CLIP4: variants seen among roughly 807,000 people sequenced by gnomAD.
CLIP4 encodes the protein CAP-Gly domain containing linker protein family member 4, also known as CAP-Gly domain-containing linker protein 4.
A neutral mutation model predicts 73.1 loss-of-function variants in CLIP4; 47 were observed. The ratio of observed to expected loss-of-function variants is 0.64; its 90% CI spans 0.51 to 0.82. The LOEUF (loss-of-function observed/expected upper bound fraction) is 0.82, where lower values mean the gene tolerates loss of function less well. Among genes scored for constraint, CLIP4 ranks in the 40% least tolerant of loss-of-function variants. CLIP4 has a pLI of 0.00. For synonymous variants in CLIP4, 306 were observed against 295.4 expected (o/e 1.04, Z -0.37); for missense variants, 874 against 852.9 (o/e 1.02, Z -0.31).
intron 8 of CLIP4, among the ~76,000 whole-genome samples, chr2:29,150,911 C>T (rs1262458015): frequency 1.1e-4 from 17 of 152,104 alleles, no homozygotes; most frequent in Admixed American, 1.0e-3. Flanking sequence ...TGAGCCACAG[C>T]GCCTGGCCTG....
At chr2:29,165,523 C>T (rs758998704) in intron 13 of CLIP4, among the ~76,000 whole-genome samples, 10 of 152,164 alleles carry the variant, frequency 6.6e-5, no homozygotes, top group South Asian at 4.1e-4. Context: ...AACCCTATAA[C>T]GGTTAGAAGA....
chr2:29,130,551 C>T, intron 2 of CLIP4: 1 of 919,786 alleles, frequency 1.1e-6, no homozygotes, highest in South Asian at 2.5e-5. Flanking sequence ...TACAGGTTTT[C>T]CTGAGCTGGG....
chr2:29,173,353 G>A (rs572953328), intron 14 of CLIP4, among the ~76,000 whole-genome samples: 1 of 152,172 alleles, frequency 6.6e-6, no homozygotes, highest in Admixed American at 6.5e-5. Flanking sequence ...ACGGTGTTTC[G>A]TTTTGTTTCT....
upstream of CLIP4, among the ~76,000 whole-genome samples, chr2:29,112,143 A>G (rs1668400167): frequency 6.6e-6 from 1 of 152,250 alleles, no homozygotes. Flanking sequence ...TTCCTATACC[A>G]GTACCATAAT....
At chr2:29,164,374 CCT>C (rs1304873590) in intron 13 of CLIP4, among the ~76,000 whole-genome samples, 1 of 152,130 alleles carries the variant, frequency 6.6e-6, no homozygotes, top group African/African-American at 2.4e-5. Context: ...ATGGCTTTTT[CCT>C]CTGATTTCTT....
intron 1 of CLIP4, among the ~76,000 whole-genome samples, chr2:29,107,358 G>GTTTTTTTTTGTTTTTTT (rs1558504865): frequency 6.1e-5 from 4 of 65,362 alleles, no homozygotes; most frequent in Non-Finnish European, 8.9e-5. Flanking sequence ...GAACATGATA[G>GTTTTTTTTTGTTTTTTT]TTTTTTTTTT....
intron 1 of CLIP4, among the ~76,000 whole-genome samples, chr2:29,110,065 T>A (rs77232061): frequency 0.05 from 7,440 of 150,058 alleles, 484 homozygotes; most frequent in African/African-American, 0.15. Context: ...CTCAAAAAAA[T>A]AAAAAAAGAA....
At chr2:29,149,728 T>TAA (rs10532407) in intron 8 of CLIP4, among the ~76,000 whole-genome samples, 9 of 144,488 alleles carry the variant, frequency 6.2e-5, no homozygotes, top group African/African-American at 1.0e-4. Flanking sequence ...CTTTGGCTAA[T>TAA]AAAAAAAAAA....
At chr2:29,129,837 A>C (rs1176623069) in intron 2 of CLIP4, among the ~76,000 whole-genome samples, 6 of 152,234 alleles carry the variant, frequency 3.9e-5, no homozygotes, top group African/African-American at 1.4e-4. Context: ...GAAATTGCAA[A>C]TTATTCTTTG....
chr2:29,111,879 A>C (rs1357344060), upstream of CLIP4, among the ~76,000 whole-genome samples: 5 of 152,214 alleles, frequency 3.3e-5, no homozygotes, highest in Admixed American at 3.3e-4. Context: ...TTATAGAGAT[A>C]GTCTCCTGCA....
chr2:29,130,760 CTA>C (rs1308757951), intron 2 of CLIP4: 1 of 1,274,540 alleles, frequency 7.8e-7, no homozygotes. Flanking sequence ...TATGCTGACT[CTA>C]GAAGTAAGAA....
At chr2:29,133,945 T>C in intron 5 of CLIP4, 129 bp downstream of exon 5, 1 of 725,296 alleles carries the variant, frequency 1.4e-6, no homozygotes, top group Non-Finnish European at 2.1e-6. Context: ...CTCCATTTTA[T>C]TTCTGAGATA....
Position 29,181,900 on chromosome 2 carries a change from A to G in CLIP4, c.*7A>G. On this transcript the variant is annotated 3_prime_UTR_variant, in exon 16 of 16. Transcript: ENST00000320081. Reference sequence around the variant, plus strand: ...TGTGGATGAGAATTGTTAAGCTTCTAAAATATTAAATAAGCTCAAATATAT... The same window carrying G: ...TGTGGATGAGAATTGTTAAGCTTCTGAAATATTAAATAAGCTCAAATATAT... The G allele has an allele frequency of 3.8e-6, 6 of 1,582,492 alleles. No homozygotes were observed. The highest frequency in any genetic ancestry group is 5.2e-6 in the Non-Finnish European group (6 of 1,161,150).
At chr2:29,152,627 G>T in intron 8 of CLIP4, 58 bp from the exon 9 acceptor site, 3 of 1,555,482 alleles carry the variant, frequency 1.9e-6, no homozygotes, top group African/African-American at 1.4e-5. Context: ...AGTTGTACTT[G>T]TTCCTTTATT....
chr2:29,101,269 A>G (rs369446011), intron 1 of CLIP4, among the ~76,000 whole-genome samples: 1 of 149,170 alleles, frequency 6.7e-6, no homozygotes, highest in Non-Finnish European at 1.5e-5. Flanking sequence ...CAGCCTGGGC[A>G]ACAGGCTTTT....
At chr2:29,107,380 T>TTTTGTTTTTTTTG in intron 1 of CLIP4, among the ~76,000 whole-genome samples, 4 of 130,870 alleles carry the variant, frequency 3.1e-5, no homozygotes, top group Middle Eastern at 3.8e-3. Context: ...TTTTTTTTTT[T>TTTTGTTTTTTTTG]TTTTTTTTTG....
intron 2 of CLIP4, among the ~76,000 whole-genome samples, chr2:29,124,875 C>A (rs1558520372): frequency 6.6e-6 from 1 of 152,126 alleles, no homozygotes; most frequent in Admixed American, 6.5e-5. Context: ...ATTATAATAT[C>A]CATGTCAACT....
rs146559023 is a variant in CLIP4, at chr2:29,173,356, T to G, written c.1724-1017T>G. ...GTCTTCATCTGAACGGTGTTTCGTT[T>G]TGTTTCTCATTTCACCTTGCACTGA... On this transcript the variant is annotated intron_variant, in intron 14 of 15. Coordinates refer to ENST00000320081, the MANE Select transcript of CLIP4 (RefSeq NM_024692.6). Among the ~76,000 whole-genome samples the G allele has an allele frequency of 5.8e-3, 891 of 152,312 alleles. 7 individuals carry two copies. The highest frequency in any genetic ancestry group is 0.02 in the African/African-American group (845 of 41,564).
intron 2 of CLIP4, among the ~76,000 whole-genome samples, chr2:29,128,707 A>G (rs1378263275): frequency 6.6e-6 from 1 of 152,166 alleles, no homozygotes; most frequent in Non-Finnish European, 1.5e-5. Context: ...AATTTTAGCC[A>G]GCTTAATCAC....
Sources: gnomAD v4.1 joint callset for allele counts (sites outside exome capture counted in the v4.1 genomes callset) on GRCh38, gnomAD v4.1.1 for gene constraint, MANE v1.5 for transcripts, NCBI Gene and HGNC (gene_info 2026-07-23, HGNC 2026-07-21) for gene names.